MPHOSPH6: variants seen among roughly 807,000 people sequenced by gnomAD.
MPHOSPH6 encodes the protein M-phase phosphoprotein 6.
Under a neutral mutation model 21.8 loss-of-function variants are expected in MPHOSPH6, and 25 were observed. That is an observed-to-expected ratio of 1.15 (90% CI 0.83 to 1.60). The LOEUF is 1.60. Among genes scored for constraint, MPHOSPH6 ranks in the 40% most tolerant of loss-of-function variants. The probability of loss-of-function intolerance (pLI) is 0.00; values close to 1 mark genes in which losing one functional copy is unlikely to be tolerated. For synonymous variants in MPHOSPH6, 84 were observed against 56.5 expected (o/e 1.49, Z -2.18); for missense variants, 269 against 181.8 (o/e 1.48, Z -2.76).
chr16:82,165,876 A>T (rs1378462727), intron 1 of MPHOSPH6, among the ~76,000 whole-genome samples: 1 of 152,222 alleles, frequency 6.6e-6, no homozygotes, highest in Admixed American at 6.6e-5. Context: ...TTGTTAAATC[A>T]TGTGTTAAGT....
intron 4 of MPHOSPH6, 104 bp downstream of exon 4, chr16:82,149,205 G>T: frequency 1.7e-6 from 2 of 1,170,508 alleles, no homozygotes; most frequent in Non-Finnish European, 2.5e-6. Context: ...CCTACTGGGG[G>T]ACTCCCTTGA....
rs375915604 is a variant in MPHOSPH6 at position 82,170,189 on chromosome 16, C to G, written c.-14G>C. 3 of 1,574,460 alleles carry G rather than the reference C, an allele frequency of 1.9e-6. No individual in the cohort carries two copies. Among genetic ancestry groups the G allele is most frequent in the Non-Finnish European group, 2.6e-6 (3 of 1,162,510 alleles). ...CTCGGCCGCCATGGTAGCTTCCGCCCAGCGCCGCACTCCGGCCGCGAGCCT... is the reference window on the plus strand; with the variant it reads ...CTCGGCCGCCATGGTAGCTTCCGCCGAGCGCCGCACTCCGGCCGCGAGCCT... On this transcript the variant is annotated 5_prime_UTR_variant, in exon 1 of 5. Coordinates refer to ENST00000258169, the MANE Select transcript of MPHOSPH6 (RefSeq NM_005792.2).
Position 82,148,637 on chromosome 16 carries a change from G to C in MPHOSPH6, c.*94C>G. On this transcript the variant is annotated 3_prime_UTR_variant, in exon 5 of 5. Transcript: ENST00000258169. ...AATCTCTTTACAAGTAAACGTTACA[G>C]TATTAATAACTATAGAGACACCATT... is the stretch of plus-strand genomic sequence containing the variant. 7.1e-7 allele frequency: 1 copy of C among 1,410,946 alleles called. No individual in the cohort carries two copies. The highest frequency in any genetic ancestry group is 9.6e-7 in the Non-Finnish European group (1 of 1,045,648). 87.4% of individuals were successfully genotyped at this position (1,410,946 alleles called of 1,614,324 possible). A position where few individuals can be genotyped will look rare whatever the true frequency, so the allele number is the denominator to read the frequency against.
At chr16:82,165,144 T>TGTTTTTTG (rs1203387918) in intron 1 of MPHOSPH6, among the ~76,000 whole-genome samples, 1 of 108,626 alleles carries the variant, frequency 9.2e-6, no homozygotes, top group African/African-American at 3.2e-5. Context: ...TTTTTTTTTT[T>TGTTTTTTG]TGAGACAGAG....
rs764958767 is a variant in MPHOSPH6 at position 82,170,162 on chromosome 16, C to A, written c.14G>T (p.Arg5Leu). 2 of 1,594,722 alleles carry A rather than the reference C, an allele frequency of 1.3e-6. No individual in the cohort carries two copies. Among genetic ancestry groups the A allele is most frequent in the Non-Finnish European group, 1.7e-6 (2 of 1,171,036 alleles). MAAE[R>L]KTRLSKNLLR... Reference sequence around the variant, plus strand: ...TAGATTCTTGGACAACCTTGTCTTTCGCTCGGCCGCCATGGTAGCTTCCGC... The same window carrying A: ...TAGATTCTTGGACAACCTTGTCTTTAGCTCGGCCGCCATGGTAGCTTCCGC... The change falls in exon 1 of 5, where the codon CGA becomes CTA. Residue 5 changes from arginine (R) to leucine (L), a missense_variant. Transcript: ENST00000258169.
At chr16:82,168,249 T>A (rs73591498) in intron 1 of MPHOSPH6, among the ~76,000 whole-genome samples, 10,998 of 152,190 alleles carry the variant, frequency 0.072, 570 homozygotes, top group African/African-American at 0.14. Flanking sequence ...TTCCAATATC[T>A]GCTTGGCCAA....
intron 2 of MPHOSPH6, chr16:82,162,406 C>T (rs1906635349): frequency 6.6e-6 from 1 of 152,328 alleles, no homozygotes; most frequent in South Asian, 2.1e-4. Context: ...CCCGTCTTCA[C>T]CTGTTTCTCT....
rs557737967 is a variant in MPHOSPH6, at chr16:82,150,203, C to T, written c.256-800G>A. Among the ~76,000 whole-genome samples, 71 of 152,010 alleles carry T rather than the reference C, an allele frequency of 4.7e-4. 1 individual carries two copies. Among genetic ancestry groups the T allele is most frequent in the Admixed American group, 2.0e-3 (30 of 15,260 alleles). On this transcript the variant is annotated intron_variant, in intron 3 of 4. Transcript: ENST00000258169. ...GCCATTTTCTAACACCCGTCCCTGC[C>T]CCCCATCAATTTCTGCGGGCAGTGG... is the stretch of plus-strand genomic sequence containing the variant.
intron 2 of MPHOSPH6, among the ~76,000 whole-genome samples, chr16:82,156,961 G>C (rs561152111): frequency 6.6e-6 from 1 of 152,296 alleles, no homozygotes; most frequent in Non-Finnish European, 1.5e-5. Context: ...GCTGAGGCAG[G>C]AGAACCGCTT....
At chr16:82,168,617 C>T (rs900353622) in intron 1 of MPHOSPH6, among the ~76,000 whole-genome samples, 6 of 152,114 alleles carry the variant, frequency 3.9e-5, no homozygotes, top group Non-Finnish European at 4.4e-5. Flanking sequence ...ACTAAAGGTG[C>T]GTGCCACTAG....
intron 1 of MPHOSPH6, chr16:82,167,745 G>C (rs2142421392): frequency 6.6e-6 from 1 of 152,482 alleles, no homozygotes; most frequent in Admixed American, 6.5e-5. Context: ...ACAGGAGGCG[G>C]AGCTCAGGTG....
At chr16:82,155,902 C>G (rs1156859606) in intron 2 of MPHOSPH6, among the ~76,000 whole-genome samples, 1 of 143,026 alleles carries the variant, frequency 7.0e-6, no homozygotes, top group East Asian at 2.0e-4. Flanking sequence ...GACACTCTGT[C>G]TCAAAAAAAA....
At chr16:82,154,575 TG>T (rs1469809506) in intron 2 of MPHOSPH6, among the ~76,000 whole-genome samples, 1 of 151,060 alleles carries the variant, frequency 6.6e-6, no homozygotes, top group Non-Finnish European at 1.5e-5. Context: ...ATGCATGCAA[TG>T]AAGAAAGAAA....
In MPHOSPH6 at chr16:82,148,238, T is replaced by G. The variant is rs1463909709; in HGVS notation, c.*493A>C. On this transcript the variant is annotated 3_prime_UTR_variant, in exon 5 of 5. Coordinates refer to ENST00000258169, the MANE Select transcript of MPHOSPH6 (RefSeq NM_005792.2). ...CTTTAAATAAAACAACATAATACCA[T>G]AAACTGACAATGACCTGGGAGCATG... The G allele has an allele frequency of 6.6e-6, 1 of 152,332 alleles. No homozygotes were observed. The highest frequency in any genetic ancestry group is 6.5e-5 in the Admixed American group (1 of 15,288). 9.4% of individuals were successfully genotyped at this position (152,332 alleles called of 1,614,324 possible).
At position 82,163,939 on chromosome 16, in the gene MPHOSPH6, A is replaced by G. The variant is rs973694234; in HGVS notation, c.164+143T>C. 3 of 588,276 alleles carry G rather than the reference A, an allele frequency of 5.1e-6. No individual in the cohort carries two copies. The African/African-American group carries it at 5.6e-5, about 11-fold the overall frequency. The allele number at this position is 588,276 out of a possible 1,614,324, so 36.4% of individuals were successfully genotyped here. A position where few individuals can be genotyped will look rare whatever the true frequency, so the allele number is the denominator to read the frequency against. ...CATGTACAACTTCTATAGGTTTAAT[A>G]TTTTTTAGTTGTGCTACTAAATCAA... On this transcript the variant is annotated intron_variant, in intron 2 of 4. Transcript: ENST00000258169.
intron 2 of MPHOSPH6, among the ~76,000 whole-genome samples, chr16:82,160,532 G>A (rs1242074148): frequency 2.0e-5 from 3 of 152,158 alleles, no homozygotes; most frequent in Non-Finnish European, 2.9e-5. Context: ...CCTCTAAAGC[G>A]AAGGGCAGAT....
At chr16:82,161,989 G>C (rs1906622232) in intron 2 of MPHOSPH6, among the ~76,000 whole-genome samples, 1 of 152,092 alleles carries the variant, frequency 6.6e-6, no homozygotes, top group South Asian at 2.1e-4. Context: ...GACAACACTA[G>C]CAAAAAAGGA....
intron 1 of MPHOSPH6, among the ~76,000 whole-genome samples, chr16:82,169,561 A>G (rs1906902515): frequency 6.6e-6 from 1 of 152,208 alleles, no homozygotes; most frequent in Non-Finnish European, 1.5e-5. Context: ...AGTTTTAAAA[A>G]TACCCCCTCT....
chr16:82,163,073 C>T (rs994824397), intron 2 of MPHOSPH6, among the ~76,000 whole-genome samples: 1 of 152,180 alleles, frequency 6.6e-6, no homozygotes, highest in African/African-American at 2.4e-5. Context: ...GTACCTTCTC[C>T]CGATCCCTCC....
Sources: gnomAD v4.1 joint callset for allele counts (sites outside exome capture counted in the v4.1 genomes callset) on GRCh38, gnomAD v4.1.1 for gene constraint, MANE v1.5 for transcripts, NCBI Gene and HGNC (gene_info 2026-07-23, HGNC 2026-07-21) for gene names.